Variants in AGTPBP1 observed in about 807,000 individuals in gnomAD.
The protein encoded by AGTPBP1 is ATP/GTP binding carboxypeptidase 1.
Under a neutral mutation model 143.9 loss-of-function variants are expected in AGTPBP1, and 70 were observed. The ratio of observed to expected loss-of-function variants is 0.49; its 90% CI spans 0.40 to 0.59. The LOEUF is 0.59. Among genes scored for constraint, AGTPBP1 ranks in the 20% least tolerant of loss-of-function variants. The pLI is 0.00. For missense variants in AGTPBP1, 1,229 were observed against 1,464.5 expected (o/e 0.84, Z 2.62); for synonymous variants, 463 against 500.2 (o/e 0.93, Z 0.99).
intron 11 of AGTPBP1, 140 bp from the exon 12 acceptor site, chr9:85,646,558 A>T (rs1832821976): frequency 1.6e-6 from 1 of 636,638 alleles, no homozygotes; most frequent in African/African-American, 1.8e-5. Context: ...ACATCTCTCT[A>T]AGGCTGTCCC....
chr9:85,585,546 A>C lies in AGTPBP1; in HGVS notation c.3082T>G (p.Tyr1028Asp). The C allele has an allele frequency of 6.2e-7, 1 of 1,609,952 alleles. No homozygotes were observed. The highest frequency in any genetic ancestry group is 1.1e-5 in the South Asian group (1 of 90,136). Reference sequence around the variant, plus strand: ...ACTGTCTCTTTGATGCTGCAACCATACATAAATACATTCTTCTTTCGGGAA... The same window carrying C: ...ACTGTCTCTTTGATGCTGCAACCATCCATAAATACATTCTTCTTTCGGGAA... ...GHSRKKNVFM[Y>D]GCSIKETVWH... Residue 1028 changes from tyrosine to aspartate, a missense_variant, in exon 23 of 26, where the codon TAT becomes GAT. This residue lies in a region of AGTPBP1 where 486 missense variants were observed against 652.3 expected (regional missense o/e 0.75). Coordinates refer to ENST00000357081, the MANE Select transcript of AGTPBP1 (RefSeq NM_001330701.2).
intron 17 of AGTPBP1, among the ~76,000 whole-genome samples, chr9:85,615,038 C>T (rs1314989042): frequency 3.3e-5 from 5 of 152,192 alleles, no homozygotes; most frequent in Non-Finnish European, 5.9e-5. Flanking sequence ...AAATGTCTAA[C>T]AATTCAATAA....
At chr9:85,685,996 G>A (rs926851276) in intron 3 of AGTPBP1, among the ~76,000 whole-genome samples, 2 of 151,906 alleles carry the variant, frequency 1.3e-5, no homozygotes, top group Middle Eastern at 3.4e-3. Flanking sequence ...AAATTAAAAC[G>A]AAATTCTAAA....
the AGTPBP1 span, among the ~76,000 whole-genome samples, chr9:85,782,794 A>T: frequency 6.6e-6 from 1 of 152,206 alleles, no homozygotes; most frequent in Admixed American, 6.5e-5. Context: ...TGCCAAAGAG[A>T]TTACATTTTC....
intron 2 of AGTPBP1, among the ~76,000 whole-genome samples, chr9:85,705,103 G>A (rs1836897081): frequency 6.6e-6 from 1 of 151,260 alleles, no homozygotes. Context: ...GTTCCTGAAG[G>A]ACAAGAGAGA....
chr9:85,620,047 A>G (rs1378333148), intron 15 of AGTPBP1, among the ~76,000 whole-genome samples: 1 of 152,088 alleles, frequency 6.6e-6, no homozygotes, highest in Non-Finnish European at 1.5e-5. Context: ...TTATAACAGT[A>G]TTATTTCAAA....
chr9:85,770,061 T>TTGTGTGTGTG, the AGTPBP1 span, among the ~76,000 whole-genome samples: 3,577 of 148,334 alleles, frequency 0.024, 106 homozygotes, highest in African/African-American at 0.071. Flanking sequence ...TGTTAATCTG[T>TTGTGTGTGTG]TGTGTGTGTG....
chr9:85,677,528 A>C lies in AGTPBP1; in HGVS notation c.344T>G (p.Leu115Trp). The part of the protein sequence containing the change: ...LVTKGGSQIL[L>W]QLLMNASKES... ...TTTGCTGGCATTCATAAGTAACTGC[A>C]ACAATATTTGTGAACCACCTTTGGT... Residue 115 changes from leucine (L) to tryptophan (W), a missense_variant, in exon 6 of 26, where the codon TTG becomes TGG. Leu to Trp is a moderately conservative substitution (Grantham distance 61). Coordinates refer to ENST00000357081, the MANE Select transcript of AGTPBP1 (RefSeq NM_001330701.2). The C allele has an allele frequency of 6.2e-7, 1 of 1,603,022 alleles. No individual in the cohort carries two copies. Among genetic ancestry groups the C allele is most frequent in the East Asian group, 2.3e-5 (1 of 44,110 alleles).
intron 25 of AGTPBP1, among the ~76,000 whole-genome samples, chr9:85,549,605 A>C (rs1032904879): frequency 3.9e-5 from 6 of 152,308 alleles, no homozygotes; most frequent in Middle Eastern, 3.4e-3. Flanking sequence ...AGCTGAAGTC[A>C]ATGAGGAAAC....
intron 1 of AGTPBP1, among the ~76,000 whole-genome samples, chr9:85,726,390 GT>G (rs1838494734): frequency 1.3e-5 from 2 of 152,182 alleles, no homozygotes; most frequent in African/African-American, 4.8e-5. Context: ...TTCTCAATTA[GT>G]TTTTTGCTAT....
chr9:85,657,438 C>A lies in AGTPBP1; in HGVS notation c.906G>T (p.Ser302=). 2.5e-6 allele frequency: 4 copies of A among 1,606,698 alleles called. No homozygotes were observed. Among genetic ancestry groups the A allele is most frequent in the Non-Finnish European group, 2.6e-6 (3 of 1,176,142 alleles). ...ANGMKILYNT[S]QECLAVRTLD... is the part of the protein sequence containing the mutation. ...TAATAAGAAGAAAATAACTCACTTG[C>A]GAAGTATTATACAGAATTTTCATCC... Residue 302 remains serine (S), a synonymous_variant, in exon 10 of 26, where the codon TCG becomes TCT. Transcript: ENST00000357081.
Position 85,621,194 on chromosome 9 carries a change from A to G in AGTPBP1, c.2099+8T>C. The G allele has an allele frequency of 7.0e-7, 1 of 1,420,016 alleles. No individual in the cohort carries two copies. The highest frequency in any genetic ancestry group is 9.3e-7 in the Non-Finnish European group (1 of 1,077,114). The allele number at this position is 1,420,016 out of a possible 1,614,324, so 88.0% of individuals were successfully genotyped here. The stretch of plus-strand genomic sequence containing the variant: ...AACTAATAAAAGTTCATTAAAATCA[A>G]GACTTACTTTGGGTTATCCAAGTCA... On this transcript the variant is annotated splice_region_variant and intron_variant, in intron 15 of 25. Transcript: ENST00000357081.
chr9:85,792,996 T>C, the AGTPBP1 span, among the ~76,000 whole-genome samples: 1 of 152,202 alleles, frequency 6.6e-6, no homozygotes, highest in African/African-American at 2.4e-5. Context: ...ATTTTAGTTA[T>C]GTATGTTTCA....
At chr9:85,692,956 G>T in intron 2 of AGTPBP1, 143 bp from the exon 3 acceptor site, 2 of 750,772 alleles carry the variant, frequency 2.7e-6, no homozygotes, top group Non-Finnish European at 4.1e-6. Context: ...CTGTTCTATA[G>T]CTTAATATAG....
the AGTPBP1 span, among the ~76,000 whole-genome samples, chr9:85,790,283 C>G: frequency 6.6e-6 from 1 of 152,130 alleles, no homozygotes; most frequent in Non-Finnish European, 1.5e-5. Flanking sequence ...GGAGCCTCTG[C>G]CCAATAAGGA....
At chr9:85,650,384 C>T (rs1297794107) in intron 11 of AGTPBP1, among the ~76,000 whole-genome samples, 1 of 151,862 alleles carries the variant, frequency 6.6e-6, no homozygotes, top group East Asian at 1.9e-4. Flanking sequence ...GTGTAGACAA[C>T]AAGGATGTAA....
At position 85,741,948 on chromosome 9, in the gene AGTPBP1, G is replaced by C. The variant is rs11141082; in HGVS notation, c.-207C>G. ...CTGCGGCGGCGGCGCTGGAGGCGGC[G>C]GAACCTGTCCGCATCCCGGGCAACG... On this transcript the variant is annotated 5_prime_UTR_variant, in exon 1 of 26. Transcript: ENST00000357081. The C allele has an allele frequency of 1.9e-4, 250 of 1,285,416 alleles. 1 individual carries two copies. In the East Asian group the frequency reaches 5.7e-3, roughly 29 times the overall value. The allele number at this position is 1,285,416 out of a possible 1,614,324, so 79.6% of individuals were successfully genotyped here. A position where few individuals can be genotyped will look rare whatever the true frequency, so the allele number is the denominator to read the frequency against.
chr9:85,558,965 C>T (rs7847905), intron 25 of AGTPBP1, among the ~76,000 whole-genome samples: 41,610 of 152,130 alleles, frequency 0.27, 8,379 homozygotes, highest in African/African-American at 0.55. Context: ...ACTTCATCCA[C>T]AGACCTGATA....
rs1290065715 is a variant in AGTPBP1, at chr9:85,648,705, G to A, written c.1088-2287C>T. ...CGGGCACGTGTAGTCCCAGCTACTCGGGAGGCTGAGGCAGGAGAATGGCGT... is the reference window on the plus strand; with the variant it reads ...CGGGCACGTGTAGTCCCAGCTACTCAGGAGGCTGAGGCAGGAGAATGGCGT... On this transcript the variant is annotated intron_variant, in intron 11 of 25. Transcript: ENST00000357081. Among the ~76,000 whole-genome samples, 8 of 152,192 alleles carry A rather than the reference G, an allele frequency of 5.3e-5. No individual in the cohort carries two copies. In the South Asian group the frequency reaches 8.3e-4, roughly 16 times the overall value.
Sources: allele counts gnomAD v4.1 joint callset (sites outside exome capture counted in the v4.1 genomes callset), GRCh38; gene constraint gnomAD v4.1.1; regional missense constraint gnomAD v4.1.1; transcripts MANE v1.5; gene names NCBI Gene and HGNC (gene_info 2026-07-23, HGNC 2026-07-21).